The following GAS7 variants were observed in gnomAD, a reference collection of about 807,000 sequenced individuals.
GAS7 encodes growth arrest-specific protein 7.
GAS7 carries 28 observed loss-of-function variants against 71.1 expected under a neutral mutation model. That is an observed-to-expected ratio of 0.39 (90% confidence interval 0.29 to 0.54). The LOEUF is 0.54. Among genes scored for constraint, GAS7 ranks in the 20% least tolerant of loss-of-function variants. The pLI is 0.62. For missense variants in GAS7, 436 were observed against 627.8 expected (o/e 0.69, Z 3.27); for synonymous variants, 258 against 245.8 (o/e 1.05, Z -0.46).
chr17:9,940,792 C>A (rs1323399154), intron 7 of GAS7, among the ~76,000 whole-genome samples: 1 of 152,244 alleles, frequency 6.6e-6, no homozygotes, highest in Non-Finnish European at 1.5e-5. Context: ...TTGGATGTAG[C>A]TTCCGGCAGG....
Position 9,959,976 on chromosome 17 carries a change from C to T in GAS7, c.472-721G>A, listed in dbSNP as rs749838236. Reference sequence around the variant, plus strand: ...AGGACTGCCAGTGCAAAATGCTACACGTGTCCTAAGAGCCTACGACTCCAA... The same window carrying T: ...AGGACTGCCAGTGCAAAATGCTACATGTGTCCTAAGAGCCTACGACTCCAA... On this transcript the variant is annotated intron_variant, in intron 4 of 13. Transcript: ENST00000432992. This position sits in a 1 kb window ranked among gnomAD's most constrained non-coding sequence, Gnocchi z 5.0. Among the ~76,000 whole-genome samples, 19 of 152,148 alleles carry T rather than the reference C, an allele frequency of 1.2e-4. No individual in the cohort carries two copies. The highest frequency in any genetic ancestry group is 4.6e-4 in the Admixed American group (7 of 15,276).
At chr17:10,124,356 G>A (rs1597805697) in intron 1 of GAS7, among the ~76,000 whole-genome samples, 1 of 147,626 alleles carries the variant, frequency 6.8e-6, no homozygotes, top group South Asian at 2.2e-4. Context: ...AATGGGACGG[G>A]CTCCTAAAGG....
chr17:9,946,986 G>A lies in GAS7; in HGVS notation c.526-3C>T. On this transcript the variant is annotated splice_region_variant and splice_polypyrimidine_tract_variant and intron_variant, in intron 5 of 13. Coordinates refer to ENST00000432992, the MANE Select transcript of GAS7 (RefSeq NM_201433.2). Reference sequence around the variant, plus strand: ...TGAGGGAACGTCACACAGTTTATCTGTAGGGCACAGAACAAGAAAGAATGA... The same window carrying A: ...TGAGGGAACGTCACACAGTTTATCTATAGGGCACAGAACAAGAAAGAATGA... The A allele has an allele frequency of 6.2e-7, 1 of 1,605,270 alleles. No homozygotes were observed. Among genetic ancestry groups the A allele is most frequent in the Non-Finnish European group, 8.5e-7 (1 of 1,172,138 alleles).
chr17:9,928,765 C>T (rs1051757203), intron 9 of GAS7, among the ~76,000 whole-genome samples: 2 of 152,194 alleles, frequency 1.3e-5, no homozygotes, highest in Non-Finnish European at 2.9e-5. Flanking sequence ...TCCAAGCGGG[C>T]AGGGGCCCCA....
chr17:10,149,865 A>G (rs1026658473), intron 1 of GAS7, among the ~76,000 whole-genome samples: 1 of 152,240 alleles, frequency 6.6e-6, no homozygotes, highest in African/African-American at 2.4e-5. Flanking sequence ...ATCATGTAAC[A>G]TTATTCTGTT....
intron 1 of GAS7, among the ~76,000 whole-genome samples, chr17:10,134,295 T>TCACA (rs2074022066): frequency 1.3e-5 from 2 of 152,132 alleles, no homozygotes; most frequent in Admixed American, 6.5e-5. Flanking sequence ...CCTCCCAAAG[T>TCACA]GCTGGGATTA....
chr17:9,996,249 G>C (rs889471663), intron 2 of GAS7, among the ~76,000 whole-genome samples: 1 of 152,186 alleles, frequency 6.6e-6, no homozygotes, highest in South Asian at 2.1e-4. Flanking sequence ...CCATAAAAAA[G>C]GATGAGTTCA....
rs1044351532 is a variant in GAS7 at position 9,919,768 on chromosome 17, C to T, written c.1139-63G>A. On this transcript the variant is annotated intron_variant, in intron 11 of 13. Coordinates refer to ENST00000432992, the MANE Select transcript of GAS7 (RefSeq NM_201433.2). This position sits in a 1 kb window ranked among gnomAD's most constrained non-coding sequence, Gnocchi z 5.0. ...ATCCTCACCATGACTCTGTGCCCCA[C>T]CCTGAGCCCCACAGCCAAGCCTTCT... The T allele has an allele frequency of 1.6e-6, 2 of 1,225,736 alleles. No homozygotes were observed. Among genetic ancestry groups the T allele is most frequent in the Non-Finnish European group, 2.4e-6 (2 of 827,358 alleles). The allele number at this position is 1,225,736 out of a possible 1,614,324, so 75.9% of individuals were successfully genotyped here. A position where few individuals can be genotyped will look rare whatever the true frequency, so the allele number is the denominator to read the frequency against.
intron 2 of GAS7, among the ~76,000 whole-genome samples, chr17:9,982,824 GGAAAGAAAGAAAGAAAGAAA>G (rs56351503): frequency 2.6e-5 from 3 of 116,184 alleles, no homozygotes; most frequent in African/African-American, 8.0e-5. Flanking sequence ...AGGAAAGAAA[GGAAAGAAAGAAAGAAAGAAA>G]GAAAGAAAGA....
In GAS7 at chr17:9,959,361, C is replaced by T. The variant is rs1166596663; in HGVS notation, c.472-106G>A. On this transcript the variant is annotated intron_variant, in intron 4 of 13. Transcript: ENST00000432992. This position sits in a 1 kb window ranked among gnomAD's most constrained non-coding sequence, Gnocchi z 5.0. ...TGGAGGCGCTGGGGAATCAGGGATG[C>T]TCAGTCTGAATCCTAAGTCACCATA... 2 of 1,568,016 alleles carry T rather than the reference C, an allele frequency of 1.3e-6. No homozygotes were observed. The highest frequency in any genetic ancestry group is 1.7e-6 in the Non-Finnish European group (2 of 1,155,462).
At chr17:10,036,189 A>C (rs1421106038) in intron 1 of GAS7, among the ~76,000 whole-genome samples, 2 of 149,520 alleles carry the variant, frequency 1.3e-5, no homozygotes, top group African/African-American at 4.9e-5. Flanking sequence ...TCCTCCTCCC[A>C]TCCGCTTTTC....
At chr17:10,028,301 G>A (rs567157546) in intron 1 of GAS7, among the ~76,000 whole-genome samples, 2 of 152,234 alleles carry the variant, frequency 1.3e-5, no homozygotes, top group African/African-American at 4.8e-5. Context: ...TTGGGCCCAG[G>A]AGTTAGAGAC....
rs967133771 is a variant in GAS7, at chr17:9,927,426, G to C, written c.886-657C>G. On this transcript the variant is annotated intron_variant, in intron 9 of 13. Transcript: ENST00000432992. ...ACTTGAACCTGGGAGGTTGCAGTGA[G>C]CCGAGATTGTGCCACTGCACTTCAG... Among the ~76,000 whole-genome samples the C allele has an allele frequency of 4.0e-5, 6 of 151,854 alleles. No individual in the cohort carries two copies. In the South Asian group the frequency reaches 6.3e-4, roughly 16 times the overall value.
chr17:9,963,668 G>T (rs1468667659), intron 4 of GAS7, among the ~76,000 whole-genome samples: 1 of 152,072 alleles, frequency 6.6e-6, no homozygotes, highest in Non-Finnish European at 1.5e-5. Flanking sequence ...AGGAGTTCTA[G>T]AATTCACGAG....
At chr17:10,174,490 A>C (rs1001727186) in intron 1 of GAS7, among the ~76,000 whole-genome samples, 4 of 152,142 alleles carry the variant, frequency 2.6e-5, no homozygotes, top group African/African-American at 4.8e-5. Flanking sequence ...CAGGAGATGG[A>C]GACCATCCTG....
chr17:10,037,383 C>T (rs554216653), intron 1 of GAS7, among the ~76,000 whole-genome samples: 187 of 152,238 alleles, frequency 1.2e-3, no homozygotes, highest in African/African-American at 4.3e-3. Flanking sequence ...CTCAAAATGC[C>T]GCATATTTCT....
rs2067493541 is a variant in GAS7 at position 9,913,427 on chromosome 17, T to A, written c.*3801A>T. On this transcript the variant is annotated 3_prime_UTR_variant, in exon 14 of 14. Coordinates refer to ENST00000432992, the MANE Select transcript of GAS7 (RefSeq NM_201433.2). ...GCCAAGGTCGCTGATGTCCTTCGAATGTTATGGCTTGTATTTCCAAAAGGG... is the reference window on the plus strand; with the variant it reads ...GCCAAGGTCGCTGATGTCCTTCGAAAGTTATGGCTTGTATTTCCAAAAGGG... The A allele has an allele frequency of 4.3e-6, 1 of 232,652 alleles. No homozygotes were observed. The highest frequency in any genetic ancestry group is 2.2e-5 in the African/African-American group (1 of 45,316). The allele number at this position is 232,652 out of a possible 1,614,324, so 14.4% of individuals were successfully genotyped here.
At chr17:10,020,921 C>A (rs1015564983) in intron 1 of GAS7, among the ~76,000 whole-genome samples, 3 of 152,052 alleles carry the variant, frequency 2.0e-5, no homozygotes, top group Admixed American at 6.5e-5. Flanking sequence ...TCAAAACAAA[C>A]AAACAAAAAT....
intron 1 of GAS7, among the ~76,000 whole-genome samples, chr17:10,068,142 C>T (rs758871705): frequency 3.9e-5 from 6 of 152,166 alleles, no homozygotes; most frequent in East Asian, 1.9e-4. Context: ...CTGCTTTGTA[C>T]GAAGCACAGT....
Sources: gnomAD v4.1 joint callset for allele counts (sites outside exome capture counted in the v4.1 genomes callset) on GRCh38, gnomAD v4.1.1 for gene constraint, Gnocchi (gnomAD v3.1) non-coding constraint, MANE v1.5 for transcripts, NCBI Gene and HGNC (gene_info 2026-07-23, HGNC 2026-07-21) for gene names.